AGBL3: variants seen among roughly 807,000 people sequenced by gnomAD.
The protein encoded by AGBL3 is AGBL carboxypeptidase 3.
AGBL3 carries 68 observed loss-of-function variants against 94.5 expected under a neutral mutation model. The observed-to-expected ratio is 0.72, with a 90% CI of 0.59 to 0.88. The LOEUF is 0.88. AGBL3 is among the 40% of genes least tolerant of loss of function. The pLI, the probability that AGBL3 is intolerant of heterozygous loss-of-function variation, is 0.00. For synonymous variants in AGBL3, 354 were observed against 370.7 expected (o/e 0.95, Z 0.52); for missense variants, 934 against 1,103.8 (o/e 0.85, Z 2.18).
chr7:135,008,895 T>G (rs1812747155), intron 4 of AGBL3, among the ~76,000 whole-genome samples: 1 of 152,126 alleles, frequency 6.6e-6, no homozygotes, highest in Non-Finnish European at 1.5e-5. Context: ...TTCAACATCT[T>G]TAGTCATAGG....
rs1040563422 is a variant in AGBL3 at position 135,045,296 on chromosome 7, T to C, written c.1628-178T>C. ...TATGTTAAATCAGCTTTGGTCCAGA[T>C]GGTGGAAAAGGAACAAGGGAAAGCA... On this transcript the variant is annotated intron_variant, in intron 9 of 16. Coordinates refer to ENST00000436302, the MANE Select transcript of AGBL3 (RefSeq NM_178563.4). Among the ~76,000 whole-genome samples, 8 of 152,044 alleles carry C rather than the reference T, an allele frequency of 5.3e-5. 1 individual carries two copies. Among genetic ancestry groups the C allele is most frequent in the African/African-American group, 1.9e-4 (8 of 41,404 alleles).
intron 13 of AGBL3, among the ~76,000 whole-genome samples, chr7:135,078,193 G>A (rs76261347): frequency 0.05 from 7,613 of 152,284 alleles, 257 homozygotes; most frequent in Non-Finnish European, 0.08. Context: ...AGTCTGAAGA[G>A]CAGAGCTGAA....
chr7:135,077,339 C>T (rs554549642), intron 13 of AGBL3, among the ~76,000 whole-genome samples: 5 of 152,252 alleles, frequency 3.3e-5, no homozygotes, highest in African/African-American at 2.4e-5. Context: ...ATGATGGTTC[C>T]ACACTGGGAG....
intron 4 of AGBL3, among the ~76,000 whole-genome samples, chr7:135,002,206 G>T (rs1184385974): frequency 6.6e-6 from 1 of 152,158 alleles, no homozygotes; most frequent in Non-Finnish European, 1.5e-5. Flanking sequence ...GAAAAACCAT[G>T]ACATTAATGG....
chr7:135,030,874 A>C (rs1217948991), intron 5 of AGBL3, among the ~76,000 whole-genome samples: 1 of 152,178 alleles, frequency 6.6e-6, no homozygotes, highest in Non-Finnish European at 1.5e-5. Context: ...GGCAAATTAT[A>C]GTTGTATATG....
chr7:135,116,053 C>T (rs1472127902), intron 16 of AGBL3, among the ~76,000 whole-genome samples: 3 of 151,920 alleles, frequency 2.0e-5, no homozygotes, highest in African/African-American at 7.3e-5. Context: ...CCTCTAAGGC[C>T]AAAAGGAAAC....
Position 135,115,416 on chromosome 7 carries a change from G to C in AGBL3, c.2147G>C (p.Cys716Ser), listed in dbSNP as rs537794368. 1.3e-6 allele frequency: 2 copies of C among 1,551,134 alleles called. No homozygotes were observed. The highest frequency in any genetic ancestry group is 2.4e-5 in the South Asian group (2 of 84,032). Reference sequence around the variant, plus strand: ...AACTTAAAAAGCAAAATAAAAGAATGCATATCTTTCCAAAGCAAGAAGACT... The same window carrying C: ...AACTTAAAAAGCAAAATAAAAGAATCCATATCTTTCCAAAGCAAGAAGACT... ...HHNLKSKIKE[C>S]ISFQSKKTGI... is the part of the protein sequence containing the mutation. The change falls in exon 16 of 17, where the codon TGC becomes TCC. Residue 716 changes from cysteine to serine, a missense_variant. Cys to Ser is a moderately radical substitution (Grantham distance 112, BLOSUM62 -1). Transcript: ENST00000436302.
chr7:135,061,992 T>C (rs1818875828), intron 12 of AGBL3, among the ~76,000 whole-genome samples: 1 of 152,100 alleles, frequency 6.6e-6, no homozygotes, highest in Non-Finnish European at 1.5e-5. Flanking sequence ...TTTGACAATA[T>C]TAATTATTCT....
At chr7:135,051,107 T>A in intron 11 of AGBL3, 1 of 406,888 alleles carries the variant, frequency 2.5e-6, no homozygotes, top group South Asian at 1.8e-5. Flanking sequence ...GCCACAGGAA[T>A]ATAGTTGGAA....
intron 5 of AGBL3, among the ~76,000 whole-genome samples, chr7:135,031,349 T>A (rs912687913): frequency 6.6e-6 from 1 of 152,166 alleles, no homozygotes; most frequent in African/African-American, 2.4e-5. Flanking sequence ...AACCTCCACC[T>A]CCTGGGTTCA....
chr7:135,124,437 A>T lies in AGBL3; in HGVS notation c.2342+8826A>T, dbSNP rs192173997. Among the ~76,000 whole-genome samples, 49 of 152,364 alleles carry T rather than the reference A, an allele frequency of 3.2e-4. 1 individual carries two copies. Among genetic ancestry groups the T allele is most frequent in the Non-Finnish European group, 3.7e-4 (25 of 68,036 alleles). On this transcript the variant is annotated intron_variant, in intron 16 of 16. Transcript: ENST00000436302. ...CCCAAAAAGAGACAGACTCCCACAC[A>T]ATAATAGTGGAAGACTTTAACACCC...
chr7:135,098,070 T>A (rs1310196661), intron 15 of AGBL3, among the ~76,000 whole-genome samples: 1 of 152,164 alleles, frequency 6.6e-6, no homozygotes, highest in Non-Finnish European at 1.5e-5. Flanking sequence ...AATTTATAGA[T>A]GCAAAGGGCC....
At chr7:135,126,746 C>T (rs1827928498) in intron 16 of AGBL3, among the ~76,000 whole-genome samples, 1 of 152,118 alleles carries the variant, frequency 6.6e-6, no homozygotes, top group South Asian at 2.1e-4. Context: ...TTTGACAAAC[C>T]TGACAAAAAC....
In AGBL3 at chr7:135,128,194, C is replaced by T. The variant is rs189415729; in HGVS notation, c.2343-6647C>T. 3.9e-3 allele frequency among the ~76,000 whole-genome samples: 539 copies of T among 139,280 alleles called. 2 individuals are homozygous for T. The highest frequency in any genetic ancestry group is 0.013 in the African/African-American group (495 of 37,690). 91.4% of individuals were successfully genotyped at this position (139,280 alleles called of 152,430 possible). Reference sequence around the variant, plus strand: ...GTAGTCCCAGCTACTCGGGAGGCTGCGACAGGAGAATTGCTTGAACCCAGG... The same window carrying T: ...GTAGTCCCAGCTACTCGGGAGGCTGTGACAGGAGAATTGCTTGAACCCAGG... On this transcript the variant is annotated intron_variant, in intron 16 of 16. Coordinates refer to ENST00000436302, the MANE Select transcript of AGBL3 (RefSeq NM_178563.4).
At chr7:135,033,239 C>A (rs1815960689) in intron 6 of AGBL3, among the ~76,000 whole-genome samples, 1 of 152,166 alleles carries the variant, frequency 6.6e-6, no homozygotes, top group South Asian at 2.1e-4. Flanking sequence ...GTCACACACA[C>A]AGTGCTTCTC....
intron 5 of AGBL3, among the ~76,000 whole-genome samples, chr7:135,019,517 T>C (rs73153719): frequency 0.069 from 10,537 of 152,168 alleles, 436 homozygotes; most frequent in East Asian, 0.19. Context: ...TTGTGAATGG[T>C]TTGTGATATG....
chr7:135,107,643 T>C lies in AGBL3; in HGVS notation c.2111-7737T>C, dbSNP rs1028931419. ...AATTGTTTTATGTCTGATTGTGTAG[T>C]CAATTTTAGAGTATGTACCATATGG... On this transcript the variant is annotated intron_variant, in intron 15 of 16. Coordinates refer to ENST00000436302, the MANE Select transcript of AGBL3 (RefSeq NM_178563.4). Among the ~76,000 whole-genome samples, 4 of 152,216 alleles carry C rather than the reference T, an allele frequency of 2.6e-5. No individual in the cohort carries two copies. The East Asian group carries it at 7.7e-4, about 29-fold the overall frequency.
chr7:135,078,499 T>C (rs1479632382), intron 13 of AGBL3, among the ~76,000 whole-genome samples: 1 of 114,810 alleles, frequency 8.7e-6, no homozygotes, highest in Non-Finnish European at 2.0e-5. Context: ...AGGTTTTTGT[T>C]AGGGGATTTT....
intron 5 of AGBL3, among the ~76,000 whole-genome samples, chr7:135,019,938 A>C (rs1465680750): frequency 6.6e-6 from 1 of 152,012 alleles, no homozygotes. Flanking sequence ...CTTAAATGTT[A>C]GACCTAAAAC....
Sources: gnomAD v4.1 joint callset for allele counts (sites outside exome capture counted in the v4.1 genomes callset) on GRCh38, gnomAD v4.1.1 for gene constraint, MANE v1.5 for transcripts, NCBI Gene and HGNC (gene_info 2026-07-23, HGNC 2026-07-21) for gene names.